ARHGAP26: variants seen among roughly 807,000 people sequenced by gnomAD.
The protein encoded by ARHGAP26 is Rho GTPase activating protein 26, also known as rho GTPase-activating protein 26.
In ARHGAP26, 38 loss-of-function variants were observed where a neutral mutation model predicts 104.8. The observed-to-expected ratio is 0.36, with a 90% CI of 0.28 to 0.48. The LOEUF (loss-of-function observed/expected upper bound fraction) is 0.48. ARHGAP26 is among the 20% of genes least tolerant of loss of function. The probability of loss-of-function intolerance (pLI) is 0.99; values close to 1 mark genes in which losing one functional copy is unlikely to be tolerated. For synonymous variants in ARHGAP26, 341 were observed against 340.0 expected, an observed-to-expected ratio of 1.00 and a Z score of -0.03; for missense variants, 704 against 947.9, an observed-to-expected ratio of 0.74 and a Z score of 3.38.
rs1305771213 is a variant in ARHGAP26 at position 143,165,841 on chromosome 5, C to T, written c.1988+18460C>T. Among the ~76,000 whole-genome samples, 6 of 152,238 alleles carry T rather than the reference C, an allele frequency of 3.9e-5. No homozygotes were observed. In the South Asian group the frequency reaches 6.2e-4, roughly 16 times the overall value. On this transcript the variant is annotated intron_variant, in intron 20 of 22. Transcript: ENST00000645722. ...TTTGATTTTCTATTTCTGAGTACGA[C>T]GAACAGTTCCTTGCCCTCTATAAGC...
chr5:143,080,938 G>A (rs577954955), intron 17 of ARHGAP26, among the ~76,000 whole-genome samples: 1 of 152,164 alleles, frequency 6.6e-6, no homozygotes, highest in South Asian at 2.1e-4. Flanking sequence ...ATGCTGAACA[G>A]TGGGCACATT....
At chr5:143,114,524 A>C (rs1459204511) in intron 17 of ARHGAP26, among the ~76,000 whole-genome samples, 1 of 152,212 alleles carries the variant, frequency 6.6e-6, no homozygotes, top group Admixed American at 6.5e-5. Flanking sequence ...GTTAGCCACA[A>C]AAAAGTGTTG....
intron 10 of ARHGAP26, 103 bp downstream of exon 10, chr5:142,913,396 C>A: frequency 1.0e-6 from 1 of 979,594 alleles, no homozygotes; most frequent in Non-Finnish European, 1.6e-6. Context: ...CCCTTCTCCC[C>A]CTCCCTCCTT....
chr5:143,053,354 GA>G (rs909338873), intron 14 of ARHGAP26, among the ~76,000 whole-genome samples: 1 of 150,840 alleles, frequency 6.6e-6, no homozygotes, highest in African/African-American at 2.4e-5. Context: ...GTGCTATGCA[GA>G]AAAAAAAAGG....
At chr5:142,837,806 A>T (rs993142332) in intron 1 of ARHGAP26, among the ~76,000 whole-genome samples, 1 of 152,168 alleles carries the variant, frequency 6.6e-6, no homozygotes, top group Non-Finnish European at 1.5e-5. Context: ...CTTAGGACTA[A>T]CTCAAACAAT....
intron 17 of ARHGAP26, among the ~76,000 whole-genome samples, chr5:143,080,703 A>T (rs1319583972): frequency 3.3e-5 from 5 of 152,168 alleles, no homozygotes; most frequent in Non-Finnish European, 5.9e-5. Flanking sequence ...TAGCTTGGGG[A>T]CCTCAGGAAG....
Position 142,874,042 on chromosome 5 carries a change from C to T in ARHGAP26, c.250+547C>T, listed in dbSNP as rs550378567. Among the ~76,000 whole-genome samples the T allele has an allele frequency of 5.9e-5, 9 of 152,324 alleles. No homozygotes were observed. The East Asian group carries it at 1.7e-3, about 29-fold the overall frequency. Reference sequence around the variant, plus strand: ...TCTGACCTGGCAGCAGTTGGCTGAGCTATGCGTCTGCCACTGCCTTCAGAT... The same window carrying T: ...TCTGACCTGGCAGCAGTTGGCTGAGTTATGCGTCTGCCACTGCCTTCAGAT... On this transcript the variant is annotated intron_variant, in intron 2 of 22. Coordinates refer to ENST00000645722, the MANE Select transcript of ARHGAP26 (RefSeq NM_001135608.3).
In ARHGAP26 at chr5:143,120,983, C is replaced by T. The variant is rs1796062249; in HGVS notation, c.1539-5C>T. ...ATTGGTACCTTTTCTTTTCCTTCCT[C>T]CCAGTGTTGCTAACAACCACAAGCA... On this transcript the variant is annotated splice_polypyrimidine_tract_variant and splice_region_variant and intron_variant, in intron 17 of 22. Coordinates refer to ENST00000645722, the MANE Select transcript of ARHGAP26 (RefSeq NM_001135608.3). The T allele has an allele frequency of 2.5e-6, 4 of 1,611,796 alleles. No homozygotes were observed. The highest frequency in any genetic ancestry group is 1.7e-4 in the Middle Eastern group (1 of 6,046).
intron 1 of ARHGAP26, among the ~76,000 whole-genome samples, chr5:142,853,740 C>G (rs1412256886): frequency 6.6e-6 from 1 of 152,176 alleles, no homozygotes; most frequent in Non-Finnish European, 1.5e-5. Context: ...ACTCCACGTT[C>G]TCAGATGCTG....
intron 5 of ARHGAP26, among the ~76,000 whole-genome samples, chr5:142,888,228 G>GT (rs1404081680): frequency 2.0e-5 from 3 of 152,202 alleles, no homozygotes; most frequent in African/African-American, 7.2e-5. Context: ...GTGGTAGCGA[G>GT]TTAACTCCAG....
At chr5:142,900,278 A>C (rs1027342960) in intron 6 of ARHGAP26, among the ~76,000 whole-genome samples, 3 of 152,106 alleles carry the variant, frequency 2.0e-5, no homozygotes, top group African/African-American at 7.2e-5. Context: ...TTGAAGAAAA[A>C]CATTCATTAT....
chr5:143,009,539 G>A (rs1217713821), intron 11 of ARHGAP26, among the ~76,000 whole-genome samples: 2 of 152,190 alleles, frequency 1.3e-5, no homozygotes, highest in African/African-American at 4.8e-5. Context: ...CACACAGAAT[G>A]CTTGGCATGA....
At chr5:142,804,412 T>C (rs1762603168) in intron 1 of ARHGAP26, among the ~76,000 whole-genome samples, 1 of 152,242 alleles carries the variant, frequency 6.6e-6, no homozygotes, top group South Asian at 2.1e-4. Flanking sequence ...ACCCACTCAC[T>C]CATTGGCTCA....
intron 2 of ARHGAP26, among the ~76,000 whole-genome samples, chr5:142,874,031 A>C (rs1036223054): frequency 6.6e-6 from 1 of 152,228 alleles, no homozygotes; most frequent in African/African-American, 2.4e-5. Context: ...ACCTGGCAGC[A>C]GTTGGCTGAG....
intron 20 of ARHGAP26, among the ~76,000 whole-genome samples, chr5:143,165,727 C>T (rs772527532): frequency 4.6e-5 from 7 of 152,188 alleles, no homozygotes; most frequent in Non-Finnish European, 8.8e-5. Flanking sequence ...ACCCTCCCCA[C>T]TTTTGGAATC....
chr5:143,082,380 C>T (rs1789957840), intron 17 of ARHGAP26, among the ~76,000 whole-genome samples: 1 of 152,168 alleles, frequency 6.6e-6, no homozygotes, highest in Non-Finnish European at 1.5e-5. Context: ...TCTGTCCCTG[C>T]TCAGAAGTCA....
At chr5:143,164,623 C>CAACTCCAGT (rs556998214) in intron 20 of ARHGAP26, among the ~76,000 whole-genome samples, 92 of 152,218 alleles carry the variant, frequency 6.0e-4, no homozygotes, top group African/African-American at 2.2e-3. Context: ...ACTAGTATGC[C>CAACTCCAGT]AACTCCAGTG....
chr5:143,183,016 G>T (rs1325504501), intron 20 of ARHGAP26, among the ~76,000 whole-genome samples: 1 of 145,176 alleles, frequency 6.9e-6, no homozygotes, highest in East Asian at 2.1e-4. Context: ...TTGACAATGG[G>T]TTAGCTGCTT....
chr5:143,131,830 A>G (rs374247135), intron 18 of ARHGAP26, among the ~76,000 whole-genome samples: 6 of 151,922 alleles, frequency 3.9e-5, no homozygotes, highest in South Asian at 2.1e-4. Context: ...TTAAATGTCA[A>G]TGATAATGGT....
Sources: gnomAD v4.1 joint callset for allele counts (sites outside exome capture counted in the v4.1 genomes callset) on GRCh38, gnomAD v4.1.1 for gene constraint, MANE v1.5 for transcripts, NCBI Gene and HGNC (gene_info 2026-07-23, HGNC 2026-07-21) for gene names.